TGM3: variants seen among roughly 807,000 people sequenced by gnomAD.
The protein encoded by TGM3 is transglutaminase 3.
A neutral mutation model predicts 73.8 loss-of-function variants in TGM3; 52 were observed. The observed-to-expected ratio is 0.70, with a 90% CI of 0.56 to 0.89. The LOEUF is 0.89. Ranked by LOEUF, TGM3 falls within the 40% of genes least tolerant of loss-of-function variation. The pLI, the probability that TGM3 is intolerant of heterozygous loss-of-function variation, is 0.00. For missense variants in TGM3, 928 were observed against 909.9 expected, an observed-to-expected ratio of 1.02 and a Z score of -0.26; for synonymous variants, 372 against 354.9, an observed-to-expected ratio of 1.05 and a Z score of -0.54.
Position 2,332,621 on chromosome 20 carries a change from G to A in TGM3, c.1642+311G>A, listed in dbSNP as rs1262148713. 6.6e-5 allele frequency among the ~76,000 whole-genome samples: 10 copies of A among 152,044 alleles called. No individual in the cohort carries two copies. The highest frequency in any genetic ancestry group is 7.4e-5 in the Non-Finnish European group (5 of 68,020). On this transcript the variant is annotated intron_variant, in intron 10 of 12. Coordinates refer to ENST00000381458, the MANE Select transcript of TGM3 (RefSeq NM_003245.4). This position sits in a 1 kb window ranked among gnomAD's most constrained non-coding sequence, Gnocchi z 4.4. ...ATATACCACCTCACACAGTTTGACC[G>A]TCTAAAAAAAGGCAGATTTTCAGTG... is the stretch of plus-strand genomic sequence containing the variant.
chr20:2,337,188 A>G (rs1173417418), intron 11 of TGM3, among the ~76,000 whole-genome samples: 1 of 152,162 alleles, frequency 6.6e-6, no homozygotes, highest in Non-Finnish European at 1.5e-5. Context: ...ACTGGAACAG[A>G]TCCCCTTGGC....
chr20:2,313,486 G>T (rs974389513), intron 5 of TGM3, among the ~76,000 whole-genome samples: 2 of 152,142 alleles, frequency 1.3e-5, no homozygotes, highest in African/African-American at 4.8e-5. Flanking sequence ...GTGTCAGATG[G>T]TAGGCTGCCT....
chr20:2,314,118 C>A (rs1353712367), intron 5 of TGM3, among the ~76,000 whole-genome samples: 1 of 151,910 alleles, frequency 6.6e-6, no homozygotes, highest in Non-Finnish European at 1.5e-5. Flanking sequence ...TGTGGTGAGC[C>A]AAGATCATGC....
chr20:2,309,535 A>G, intron 1 of TGM3, 122 bp from the exon 2 acceptor site: 1 of 890,728 alleles, frequency 1.1e-6, no homozygotes. Context: ...GATTCTTTCT[A>G]GGAATTTGGC....
intron 7 of TGM3, among the ~76,000 whole-genome samples, chr20:2,323,410 A>T (rs763611028): frequency 6.6e-6 from 1 of 152,150 alleles, no homozygotes; most frequent in African/African-American, 2.4e-5. Context: ...CAGCTGTTTG[A>T]TATCCCATTC....
At chr20:2,340,027 A>AGGGGGGGGGGGGGGGGGGGGG in intron 12 of TGM3, 40 bp downstream of exon 12, 1 of 133,146 alleles carries the variant, frequency 7.5e-6, no homozygotes, top group South Asian at 4.7e-5. Flanking sequence ...GGAGGGCGGG[A>AGGGGGGGGGGGGGGGGGGGGG]GGGGGCGGGG....
intron 1 of TGM3, among the ~76,000 whole-genome samples, chr20:2,301,393 A>T (rs1023684962): frequency 6.7e-6 from 1 of 149,132 alleles, no homozygotes; most frequent in East Asian, 2.0e-4. Context: ...TGAAGGGGAG[A>T]TGGCTTCCCA....
intron 7 of TGM3, among the ~76,000 whole-genome samples, chr20:2,320,103 G>A (rs886965943): frequency 2.4e-4 from 37 of 152,190 alleles, no homozygotes; most frequent in South Asian, 4.1e-4. Context: ...TCTGCCTGGC[G>A]TGAAATTACT....
chr20:2,303,074 G>A (rs970180612), intron 1 of TGM3, among the ~76,000 whole-genome samples: 4 of 152,148 alleles, frequency 2.6e-5, no homozygotes, highest in Non-Finnish European at 4.4e-5. Context: ...TGAGGTGGGC[G>A]GATCATTTGA....
intron 7 of TGM3, among the ~76,000 whole-genome samples, chr20:2,322,084 T>C (rs1394971692): frequency 6.6e-6 from 1 of 151,946 alleles, no homozygotes. Flanking sequence ...CTTCCCACAC[T>C]CCTTCCCTTG....
At position 2,328,284 on chromosome 20, in the gene TGM3, A is replaced by G; in HGVS notation, c.1252A>G (p.Thr418Ala). The G allele has an allele frequency of 6.2e-7, 1 of 1,614,192 alleles. No homozygotes were observed. The highest frequency in any genetic ancestry group is 8.5e-7 in the Non-Finnish European group (1 of 1,180,042). Reference protein sequence around the residue: ...KQWKNSVNSHTIGRYISTKAV... With the variant: ...KQWKNSVNSHAIGRYISTKAV... ...GTGGAAGAATTCCGTGAACAGTCACACCATTGGCAGGTACATCAGCACCAA... is the reference window on the plus strand; with the variant it reads ...GTGGAAGAATTCCGTGAACAGTCACGCCATTGGCAGGTACATCAGCACCAA... The change falls in exon 9 of 13, where the codon ACC becomes GCC. Residue 418 changes from threonine to alanine, a missense_variant. By Grantham distance (58) the Thr-to-Ala change is moderately conservative (BLOSUM62 0). Coordinates refer to ENST00000381458, the MANE Select transcript of TGM3 (RefSeq NM_003245.4). The surrounding 1 kb of genome is among the most constrained non-coding windows in gnomAD (Gnocchi z 5.2).
At chr20:2,300,231 AG>A (rs1017622568) in intron 1 of TGM3, among the ~76,000 whole-genome samples, 1 of 88,754 alleles carries the variant, frequency 1.1e-5, no homozygotes, top group African/African-American at 3.0e-5. Flanking sequence ...AAAGAAAGAA[AG>A]AAAAAAAGAA....
In TGM3 at chr20:2,313,040, A is replaced by T. The variant is rs899437170; in HGVS notation, c.669+14A>T. 1.9e-6 allele frequency: 3 copies of T among 1,614,038 alleles called. No individual in the cohort carries two copies. The highest frequency in any genetic ancestry group is 2.5e-6 in the Non-Finnish European group (3 of 1,180,008). ...CTGAGTGCCATGGTGAGTAACAGGA[A>T]AACGATCACAGCTAGTTGTCATCAT... is the stretch of plus-strand genomic sequence containing the variant. On this transcript the variant is annotated intron_variant, in intron 5 of 12. Coordinates refer to ENST00000381458, the MANE Select transcript of TGM3 (RefSeq NM_003245.4).
In TGM3 at chr20:2,328,209, G is replaced by T; in HGVS notation, c.1177G>T (p.Val393Phe). The change falls in exon 9 of 13, where the codon GTT (valine) becomes TTT (phenylalanine). Residue 393 changes from valine to phenylalanine, a missense_variant. By Grantham distance (50) the Val-to-Phe change is conservative. Transcript: ENST00000381458. The surrounding 1 kb of genome is among the most constrained non-coding windows in gnomAD (Gnocchi z 5.2). Reference sequence around the variant, plus strand: ...CGACATGCCCTTTATCTTCGCGGAGGTTAATGCCGACCGCATCACCTGGCT... The same window carrying T: ...CGACATGCCCTTTATCTTCGCGGAGTTTAATGCCGACCGCATCACCTGGCT... ...NFDMPFIFAE[V>F]NADRITWLYD... The T allele has an allele frequency of 6.2e-7, 1 of 1,614,218 alleles. No individual in the cohort carries two copies. Among genetic ancestry groups the T allele is most frequent in the Non-Finnish European group, 8.5e-7 (1 of 1,180,052 alleles).
intron 7 of TGM3, among the ~76,000 whole-genome samples, chr20:2,319,343 G>T (rs1345243471): frequency 6.6e-6 from 1 of 152,124 alleles, no homozygotes; most frequent in Non-Finnish European, 1.5e-5. Context: ...GCATTTTTAT[G>T]GTGCTGTTAG....
chr20:2,323,209 C>T (rs142644049), intron 7 of TGM3, among the ~76,000 whole-genome samples: 2 of 152,192 alleles, frequency 1.3e-5, no homozygotes, highest in Non-Finnish European at 2.9e-5. Flanking sequence ...ATCCCTCACC[C>T]CCTTCCCACC....
At chr20:2,297,122 TCAGATGTCATCTAGCC>T (rs1476781040) in intron 1 of TGM3, among the ~76,000 whole-genome samples, 1 of 151,786 alleles carries the variant, frequency 6.6e-6, no homozygotes, top group Non-Finnish European at 1.5e-5. Context: ...AGAGGGGAGG[TCAGATGTCATCTAGCC>T]CATCTCCCTC....
At chr20:2,320,600 C>A (rs1416624089) in intron 7 of TGM3, among the ~76,000 whole-genome samples, 1 of 152,184 alleles carries the variant, frequency 6.6e-6, no homozygotes. Flanking sequence ...AGATTCACAG[C>A]AGCCAGTGGG....
At chr20:2,324,360 T>C (rs555040193) in intron 7 of TGM3, among the ~76,000 whole-genome samples, 1 of 152,336 alleles carries the variant, frequency 6.6e-6, no homozygotes, top group Non-Finnish European at 1.5e-5. Flanking sequence ...GATTATTTTA[T>C]GGTGGGTTTC....
Sources: allele counts gnomAD v4.1 joint callset (sites outside exome capture counted in the v4.1 genomes callset), GRCh38; gene constraint gnomAD v4.1.1; non-coding constraint Gnocchi (gnomAD v3.1); transcripts MANE v1.5; gene names NCBI Gene and HGNC (gene_info 2026-07-23, HGNC 2026-07-21).